Variants in SCHIP1 observed in about 807,000 individuals in gnomAD.
SCHIP1 encodes the protein schwannomin interacting protein 1.
In SCHIP1, 8 loss-of-function variants were observed where a neutral mutation model predicts 29.7. That is an observed-to-expected ratio of 0.27 (90% CI 0.16 to 0.49). SCHIP1 has a LOEUF of 0.49. Among genes scored for constraint, SCHIP1 ranks in the 20% least tolerant of loss-of-function variants. SCHIP1 has a pLI of 0.99. For missense variants in SCHIP1, 193 were observed against 294.6 expected (o/e 0.66, Z 2.52); for synonymous variants, 76 against 94.9 (o/e 0.80, Z 1.16).
the SCHIP1 span, among the ~76,000 whole-genome samples, chr3:159,741,058 C>T: frequency 5.4e-3 from 821 of 152,272 alleles, 3 homozygotes; most frequent in African/African-American, 0.019. Flanking sequence ...CCTCTCCCTC[C>T]ACTAGCTCTT....
chr3:159,763,172 C>A, the SCHIP1 span, among the ~76,000 whole-genome samples: 1 of 152,070 alleles, frequency 6.6e-6, no homozygotes, highest in Non-Finnish European at 1.5e-5. Flanking sequence ...GGCGGCAAGG[C>A]GGCTGGAGCT....
the SCHIP1 span, among the ~76,000 whole-genome samples, chr3:159,419,871 T>C: frequency 5.0e-4 from 76 of 152,190 alleles, no homozygotes; most frequent in Non-Finnish European, 7.1e-4. Context: ...CATAACGTAA[T>C]TGTCATTGCC....
the SCHIP1 span, among the ~76,000 whole-genome samples, chr3:159,301,741 C>T: frequency 3.3e-5 from 5 of 152,108 alleles, no homozygotes; most frequent in Admixed American, 2.0e-4. Context: ...CTTTGCCTTC[C>T]GTCATGTTTG....
the SCHIP1 span, among the ~76,000 whole-genome samples, chr3:159,658,381 CT>C: frequency 4.6e-5 from 7 of 152,226 alleles, no homozygotes; most frequent in Non-Finnish European, 1.0e-4. Flanking sequence ...TTGGAAACCC[CT>C]GAATTTGCAA....
the SCHIP1 span, among the ~76,000 whole-genome samples, chr3:159,308,905 G>A: frequency 6.6e-6 from 1 of 152,130 alleles, no homozygotes; most frequent in Non-Finnish European, 1.5e-5. Context: ...GCAAATTCAT[G>A]CAGGAACAAA....
chr3:159,802,120 G>T, the SCHIP1 span, among the ~76,000 whole-genome samples: 5 of 152,094 alleles, frequency 3.3e-5, no homozygotes, highest in Non-Finnish European at 5.9e-5. Context: ...AGAACAAAGA[G>T]GGCCTTTTGT....
At chr3:159,478,676 A>T in the SCHIP1 span, among the ~76,000 whole-genome samples, 1 of 152,080 alleles carries the variant, frequency 6.6e-6, no homozygotes, top group Non-Finnish European at 1.5e-5. Flanking sequence ...TACTATGGAC[A>T]TTTTCACAAT....
At chr3:159,891,255 C>T (rs912820808) in intron 5 of SCHIP1, among the ~76,000 whole-genome samples, 1 of 152,142 alleles carries the variant, frequency 6.6e-6, no homozygotes, top group African/African-American at 2.4e-5. Context: ...CCCGTAGTTC[C>T]AGCTACTCGG....
the SCHIP1 span, among the ~76,000 whole-genome samples, chr3:159,551,576 C>G: frequency 3.3e-5 from 5 of 152,064 alleles, no homozygotes; most frequent in African/African-American, 1.2e-4. Flanking sequence ...TAATAATGAA[C>G]TGTATAATAC....
At chr3:159,844,000 T>C (rs995863957) in intron 1 of SCHIP1, among the ~76,000 whole-genome samples, 1 of 152,144 alleles carries the variant, frequency 6.6e-6, no homozygotes, top group African/African-American at 2.4e-5. Context: ...ATCTGTGAAA[T>C]GGAGACTTTC....
At chr3:159,397,975 A>G in the SCHIP1 span, among the ~76,000 whole-genome samples, 2 of 152,148 alleles carry the variant, frequency 1.3e-5, no homozygotes, top group African/African-American at 4.8e-5. Flanking sequence ...GCAATCAGCG[A>G]GACTCCGTGG....
At chr3:159,398,618 T>A in the SCHIP1 span, among the ~76,000 whole-genome samples, 4 of 152,296 alleles carry the variant, frequency 2.6e-5, no homozygotes, top group East Asian at 7.7e-4. Flanking sequence ...TGATTTGATC[T>A]CAGAGGTCAT....
At chr3:159,368,452 T>A in the SCHIP1 span, among the ~76,000 whole-genome samples, 1 of 152,212 alleles carries the variant, frequency 6.6e-6, no homozygotes, top group Non-Finnish European at 1.5e-5. Context: ...TTTTTAGCAC[T>A]GGCCTAGCAG....
the SCHIP1 span, among the ~76,000 whole-genome samples, chr3:159,539,900 C>T: frequency 2.4e-5 from 2 of 83,362 alleles, 1 homozygote; most frequent in African/African-American, 6.6e-5. Context: ...GATGATTCCT[C>T]TTTAGGAAAT....
the SCHIP1 span, among the ~76,000 whole-genome samples, chr3:159,669,325 C>A: frequency 6.6e-6 from 1 of 152,182 alleles, no homozygotes; most frequent in Admixed American, 6.5e-5. Flanking sequence ...CAGCTCATTT[C>A]GACAGCAACC....
the SCHIP1 span, among the ~76,000 whole-genome samples, chr3:159,610,481 T>G: frequency 6.6e-6 from 1 of 152,194 alleles, no homozygotes; most frequent in Admixed American, 6.5e-5. Context: ...AAAGCTCAGT[T>G]TGTTTTCTCA....
intron 2 of SCHIP1, among the ~76,000 whole-genome samples, chr3:159,879,122 A>C (rs562614035): frequency 6.6e-6 from 1 of 152,170 alleles, no homozygotes; most frequent in Non-Finnish European, 1.5e-5. Flanking sequence ...ATATTGGACT[A>C]ATCTTATTCA....
At chr3:159,713,317 C>T in the SCHIP1 span, among the ~76,000 whole-genome samples, 4 of 151,744 alleles carry the variant, frequency 2.6e-5, no homozygotes, top group African/African-American at 4.8e-5. Context: ...AAAGGAAATG[C>T]ATCTTTGAAC....
chr3:159,871,593 T>C (rs777724382), intron 2 of SCHIP1, among the ~76,000 whole-genome samples: 3 of 152,170 alleles, frequency 2.0e-5, no homozygotes, highest in East Asian at 1.9e-4. Flanking sequence ...AGCTCTTTCA[T>C]TGGGATGCAT....
Sources: allele counts gnomAD v4.1 joint callset (sites outside exome capture counted in the v4.1 genomes callset), GRCh38; gene constraint gnomAD v4.1.1; transcripts MANE v1.5; gene names NCBI Gene and HGNC (gene_info 2026-07-23, HGNC 2026-07-21).